Variants in FSTL5 observed in about 807,000 individuals in gnomAD.
FSTL5 encodes the protein follistatin like 5, also known as follistatin-related protein 5.
A neutral mutation model predicts 89.1 loss-of-function variants in FSTL5; 62 were observed. The ratio of observed to expected loss-of-function variants is 0.70; its 90% CI spans 0.57 to 0.86. The LOEUF is 0.86. Among genes scored for constraint, FSTL5 ranks in the 40% least tolerant of loss-of-function variants. The pLI is 0.00. For missense variants in FSTL5, 1,057 were observed against 1,001.6 expected, an observed-to-expected ratio of 1.06 and a Z score of -0.75; for synonymous variants, 383 against 346.2, an observed-to-expected ratio of 1.11 and a Z score of -1.18.
chr4:161,629,906 C>CTGT (rs1205024396), intron 7 of FSTL5, among the ~76,000 whole-genome samples: 1 of 152,182 alleles, frequency 6.6e-6, no homozygotes. Flanking sequence ...CAGTGCGAGG[C>CTGT]TGTCTATGAT....
intron 3 of FSTL5, among the ~76,000 whole-genome samples, chr4:161,943,997 T>A (rs1734668037): frequency 6.6e-6 from 1 of 152,196 alleles, no homozygotes; most frequent in African/African-American, 2.4e-5. Context: ...AGGTAGAGCA[T>A]CAATTTAAGG....
intron 3 of FSTL5, among the ~76,000 whole-genome samples, chr4:161,953,789 G>A (rs1043087089): frequency 2.0e-5 from 3 of 151,402 alleles, no homozygotes; most frequent in Non-Finnish European, 3.0e-5. Flanking sequence ...ATTATCCCAC[G>A]GAGAATTTTC....
At chr4:161,782,452 G>T (rs962785035) in intron 4 of FSTL5, among the ~76,000 whole-genome samples, 2 of 152,100 alleles carry the variant, frequency 1.3e-5, no homozygotes, top group African/African-American at 4.8e-5. Context: ...TTGTGTAGTG[G>T]TAGTTCCTTC....
At chr4:161,888,389 A>G (rs1732881856) in intron 4 of FSTL5, among the ~76,000 whole-genome samples, 2 of 152,150 alleles carry the variant, frequency 1.3e-5, no homozygotes, top group Admixed American at 1.3e-4. Context: ...TGACTACAAC[A>G]TAGAGCCCAC....
chr4:161,798,473 A>T (rs1341189241), intron 4 of FSTL5, among the ~76,000 whole-genome samples: 2 of 137,774 alleles, frequency 1.5e-5, no homozygotes, highest in Non-Finnish European at 3.0e-5. Flanking sequence ...CCATTGTAAT[A>T]CTTTTTTTTT....
intron 3 of FSTL5, among the ~76,000 whole-genome samples, chr4:161,936,978 G>A (rs1357850888): frequency 6.6e-6 from 1 of 152,114 alleles, no homozygotes; most frequent in African/African-American, 2.4e-5. Flanking sequence ...CTTACTCAGT[G>A]CTCAGAAATT....
intron 1 of FSTL5, among the ~76,000 whole-genome samples, chr4:162,137,754 A>C (rs10032474): frequency 9.8e-4 from 149 of 152,314 alleles, no homozygotes; most frequent in African/African-American, 3.4e-3. Flanking sequence ...CAGACAAAAA[A>C]CGCTTTTGTT....
At chr4:161,851,485 T>C (rs1731547506) in intron 4 of FSTL5, among the ~76,000 whole-genome samples, 1 of 152,148 alleles carries the variant, frequency 6.6e-6, no homozygotes, top group Non-Finnish European at 1.5e-5. Flanking sequence ...TCTTTCGTAA[T>C]GATAAACTGC....
rs190733324 is a variant in FSTL5, at chr4:161,693,444, T to A, written c.728-36950A>T. On this transcript the variant is annotated intron_variant, in intron 6 of 15. Coordinates refer to ENST00000306100, the MANE Select transcript of FSTL5 (RefSeq NM_020116.5). ...TTGGGAGAATCCAACAATGAAAGCA[T>A]CTGGTGTTGGCATTTCTTTGTTGGT... Among the ~76,000 whole-genome samples the A allele has an allele frequency of 1.4e-4, 22 of 152,224 alleles. No homozygotes were observed. In the East Asian group the frequency reaches 4.1e-3, roughly 28 times the overall value.
chr4:162,163,557 T>C (rs1197142875), intron 1 of FSTL5, 58 bp downstream of exon 1: 4 of 151,004 alleles, frequency 2.6e-5, no homozygotes, highest in Admixed American at 1.3e-4. Context: ...AATTTTTGTA[T>C]GGCAGTCTGT....
intron 4 of FSTL5, among the ~76,000 whole-genome samples, chr4:161,918,508 T>A (rs1336269215): frequency 6.6e-6 from 1 of 152,204 alleles, no homozygotes; most frequent in East Asian, 1.9e-4. Context: ...CATTATTTTA[T>A]ACATTTACTT....
At chr4:161,887,889 G>A (rs1732864887) in intron 4 of FSTL5, among the ~76,000 whole-genome samples, 1 of 152,104 alleles carries the variant, frequency 6.6e-6, no homozygotes, top group Admixed American at 6.6e-5. Flanking sequence ...ACCTTGCCAA[G>A]CAAATCAGGA....
Position 161,386,364 on chromosome 4 carries a change from T to A in FSTL5, c.1927A>T (p.Lys643Ter). 1 of 1,613,906 alleles carries A rather than the reference T, an allele frequency of 6.2e-7. No homozygotes were observed. Among genetic ancestry groups the A allele is most frequent in the Non-Finnish European group, 8.5e-7 (1 of 1,179,876 alleles). The change falls in exon 16 of 16, where the codon AAG becomes TAG. Residue 643 changes from lysine (K) to a stop codon, truncating the protein, a stop_gained. Coordinates refer to ENST00000306100, the MANE Select transcript of FSTL5 (RefSeq NM_020116.5). LOFTEE classifies it low-confidence loss of function (END_TRUNC). ...GACTGAGGAACGCACTTATAGTCCT[T>A]CAAGTTAATTGTCTTGATGTATGAC... ...TMSYIKTINL[K>*]DYKCVPQSLA...
At chr4:161,835,570 T>C (rs561042794) in intron 4 of FSTL5, among the ~76,000 whole-genome samples, 71 of 151,946 alleles carry the variant, frequency 4.7e-4, no homozygotes, top group Middle Eastern at 6.8e-3. Context: ...AAAGGGCTAA[T>C]AGCCAGAATC....
intron 6 of FSTL5, among the ~76,000 whole-genome samples, chr4:161,676,234 T>C (rs1231374605): frequency 1.3e-5 from 2 of 152,072 alleles, no homozygotes; most frequent in Non-Finnish European, 2.9e-5. Flanking sequence ...TATGATACCT[T>C]ATTTGCTTAA....
intron 3 of FSTL5, among the ~76,000 whole-genome samples, chr4:162,007,613 C>G (rs1473178306): frequency 6.6e-6 from 1 of 150,498 alleles, no homozygotes; most frequent in Non-Finnish European, 1.5e-5. Context: ...AATATTTCAT[C>G]ATATCCAACT....
At chr4:161,673,216 C>T (rs959879251) in intron 6 of FSTL5, among the ~76,000 whole-genome samples, 2 of 151,942 alleles carry the variant, frequency 1.3e-5, no homozygotes, top group Admixed American at 6.6e-5. Context: ...CCGCCTGTAC[C>T]TATTTCAGAT....
intron 1 of FSTL5, among the ~76,000 whole-genome samples, chr4:162,153,743 A>T (rs200298095): frequency 1.2e-4 from 4 of 34,586 alleles, no homozygotes; most frequent in African/African-American, 1.6e-4. Context: ...TATGTATATA[A>T]TAATATACAT....
intron 4 of FSTL5, among the ~76,000 whole-genome samples, chr4:161,820,439 T>C (rs1261146843): frequency 6.6e-6 from 1 of 152,218 alleles, no homozygotes; most frequent in Non-Finnish European, 1.5e-5. Context: ...TATACACATA[T>C]ACTAATTTTA....
Sources: gnomAD v4.1 joint callset for allele counts (sites outside exome capture counted in the v4.1 genomes callset) on GRCh38, gnomAD v4.1.1 for gene constraint, MANE v1.5 for transcripts, NCBI Gene and HGNC (gene_info 2026-07-23, HGNC 2026-07-21) for gene names.